The following CYTH4 variants were observed in gnomAD, a reference collection of about 807,000 sequenced individuals.
The protein encoded by CYTH4 is cytohesin-4.
In CYTH4, 22 loss-of-function variants were observed where a neutral mutation model predicts 57.5. That is an observed-to-expected ratio of 0.38 (90% CI 0.27 to 0.55). The LOEUF (loss-of-function observed/expected upper bound fraction) is 0.55. CYTH4 is among the 20% of genes least tolerant of loss of function. CYTH4 has a pLI of 0.74. For missense variants in CYTH4, 420 were observed against 535.6 expected (o/e 0.78, Z 2.13); for synonymous variants, 186 against 206.5 (o/e 0.90, Z 0.85).
intron 8 of CYTH4, among the ~76,000 whole-genome samples, chr22:37,305,077 G>A (rs546702304): frequency 6.6e-6 from 1 of 152,108 alleles, no homozygotes; most frequent in Non-Finnish European, 1.5e-5. Flanking sequence ...TGGGGTCCTC[G>A]TGGTGCTATG....
chr22:37,282,919 T>C (rs1412181584), intron 1 of CYTH4, among the ~76,000 whole-genome samples: 2 of 152,088 alleles, frequency 1.3e-5, no homozygotes. Context: ...CAGGAATGCA[T>C]GGTGGAAAAG....
intron 1 of CYTH4, among the ~76,000 whole-genome samples, chr22:37,291,549 A>C (rs55921644): frequency 0.038 from 5,717 of 152,270 alleles, 339 homozygotes; most frequent in African/African-American, 0.13. Flanking sequence ...CTGGGCAAAC[A>C]TGGGGAAGTG....
rs753735770 is a variant in CYTH4 at position 37,303,377 on chromosome 22, G to A, written c.671G>A (p.Ser224Asn). ...ATGAACCGCGGCATCAACAATGGTA[G>A]CGACCTGCCCGAGGACCAGCTGCGG... is the stretch of plus-strand genomic sequence containing the variant. Reference protein sequence around the residue: ...VSMNRGINNGSDLPEDQLRNL... With the variant: ...VSMNRGINNGNDLPEDQLRNL... Residue 224 changes from serine to asparagine, a missense_variant, in exon 8 of 13, where the codon AGC becomes AAC. Physicochemically the swap from Ser to Asn is conservative, Grantham distance 46. Coordinates refer to ENST00000248901, the MANE Select transcript of CYTH4 (RefSeq NM_013385.5). 1.1e-5 allele frequency: 17 copies of A among 1,613,862 alleles called. No homozygotes were observed. The Admixed American group carries it at 2.7e-4, about 25-fold the overall frequency.
At chr22:37,297,868 T>C (rs1929034375) in intron 5 of CYTH4, 186 bp downstream of exon 5, 1 of 527,016 alleles carries the variant, frequency 1.9e-6, no homozygotes, top group African/African-American at 1.9e-5. Flanking sequence ...CATTTAGTCA[T>C]TTATTCAACA....
intron 8 of CYTH4, among the ~76,000 whole-genome samples, chr22:37,307,884 C>A (rs55920292): frequency 6.6e-6 from 1 of 152,196 alleles, no homozygotes; most frequent in African/African-American, 2.4e-5. Flanking sequence ...GGTGATCTGG[C>A]ACCAGCAGCC....
chr22:37,289,733 G>A (rs1401034245), intron 1 of CYTH4, among the ~76,000 whole-genome samples: 1 of 152,198 alleles, frequency 6.6e-6, no homozygotes, highest in African/African-American at 2.4e-5. Flanking sequence ...GGAGCCATCT[G>A]AGCTACTTAG....
chr22:37,310,969 C>G lies in CYTH4; in HGVS notation c.809-19C>G, dbSNP rs1203499245. 1 of 1,613,714 alleles carries G rather than the reference C, an allele frequency of 6.2e-7. No individual in the cohort carries two copies. Among genetic ancestry groups the G allele is most frequent in the Non-Finnish European group, 8.5e-7 (1 of 1,179,710 alleles). On this transcript the variant is annotated intron_variant, in intron 9 of 12. Transcript: ENST00000248901. ...CCCAGGAGGAGGACTGACCAGCTTG[C>G]TACATTGGCCTTGCGCAGGGGGCCG...
At chr22:37,288,153 G>A (rs1331602227) in intron 1 of CYTH4, among the ~76,000 whole-genome samples, 6 of 152,064 alleles carry the variant, frequency 3.9e-5, no homozygotes, top group Admixed American at 3.3e-4. Context: ...GGTGGCTCAC[G>A]CCTGTAATCT....
intron 12 of CYTH4, 79 bp from the exon 13 acceptor site, chr22:37,313,360 C>A: frequency 7.1e-7 from 1 of 1,398,724 alleles, no homozygotes; most frequent in Non-Finnish European, 1.0e-6. Context: ...GAATCCCATG[C>A]CCCTGATACA....
chr22:37,307,871 A>G (rs753202799), intron 8 of CYTH4, among the ~76,000 whole-genome samples: 5 of 152,258 alleles, frequency 3.3e-5, no homozygotes, highest in Non-Finnish European at 7.3e-5. Flanking sequence ...CAAAGCACAC[A>G]GGGGTGATCT....
intron 1 of CYTH4, among the ~76,000 whole-genome samples, chr22:37,286,621 T>G (rs906954067): frequency 6.6e-6 from 1 of 150,598 alleles, no homozygotes; most frequent in African/African-American, 2.4e-5. Flanking sequence ...AAGTAGGAGA[T>G]AAGGAGGGGC....
Position 37,297,818 on chromosome 22 carries a change from T to C in CYTH4, c.353+136T>C. ...TAGTGCTTGAGGGGCTCACGGATCA[T>C]CCCCTCCAGATTCTGAGTCAAAGCC... is the stretch of plus-strand genomic sequence containing the variant. On this transcript the variant is annotated intron_variant, in intron 5 of 12. Coordinates refer to ENST00000248901, the MANE Select transcript of CYTH4 (RefSeq NM_013385.5). The C allele has an allele frequency of 1.9e-5, 13 of 686,220 alleles. No individual in the cohort carries two copies. The South Asian group carries it at 2.2e-4, about 12-fold the overall frequency. 42.5% of individuals were successfully genotyped at this position (686,220 alleles called of 1,614,324 possible).
chr22:37,285,923 C>A (rs145871974), intron 1 of CYTH4, among the ~76,000 whole-genome samples: 5 of 152,108 alleles, frequency 3.3e-5, no homozygotes, highest in Non-Finnish European at 7.3e-5. Context: ...CGGGACAGGA[C>A]CCCCGTCAGA....
chr22:37,297,185 C>T lies in CYTH4; in HGVS notation c.235-379C>T, dbSNP rs899172614. On this transcript the variant is annotated intron_variant, in intron 4 of 12. Transcript: ENST00000248901. The stretch of plus-strand genomic sequence containing the variant: ...AGATTACTTGTGTGAAAGAATGAAA[C>T]GCTATTTTTAAATAATATGAGTTTT... Among the ~76,000 whole-genome samples the T allele has an allele frequency of 5.9e-5, 9 of 152,038 alleles. No individual in the cohort carries two copies. The South Asian group carries it at 6.2e-4, about 10-fold the overall frequency.
intron 1 of CYTH4, among the ~76,000 whole-genome samples, chr22:37,289,234 TCTTC>T (rs1482995065): frequency 6.6e-6 from 1 of 152,240 alleles, no homozygotes; most frequent in Non-Finnish European, 1.5e-5. Context: ...GATCTTCCCA[TCTTC>T]CTTCTTTCTT....
chr22:37,288,750 G>A (rs774112264), intron 1 of CYTH4, among the ~76,000 whole-genome samples: 31 of 152,290 alleles, frequency 2.0e-4, no homozygotes, highest in African/African-American at 6.3e-4. Context: ...GGAGGATGGC[G>A]CCCCATCCAA....
chr22:37,307,437 GGAAT>G (rs1171611225), intron 8 of CYTH4, among the ~76,000 whole-genome samples: 1 of 152,100 alleles, frequency 6.6e-6, no homozygotes, highest in African/African-American at 2.4e-5. Flanking sequence ...GTGCCACCTG[GGAAT>G]TCCCGGGGAT....
rs1929660601 is a variant in CYTH4 at position 37,312,026 on chromosome 22, C to T, written c.964C>T (p.Leu322=). ...CCTGGCCACCTCCCCACAGTTCTGC[C>T]TGGAGCTCTACAACCCTAGCTGCCG... is the stretch of plus-strand genomic sequence containing the variant. The part of the protein sequence containing the change: ...KVDDPKKPFC[L]ELYNPSCRGQ... Residue 322 remains leucine (L), a synonymous_variant, in exon 12 of 13, where the codon CTG becomes TTG. Transcript: ENST00000248901. 5 of 1,613,756 alleles carry T rather than the reference C, an allele frequency of 3.1e-6. No individual in the cohort carries two copies. In the East Asian group the frequency reaches 1.1e-4, roughly 36 times the overall value.
intron 8 of CYTH4, chr22:37,304,407 AAG>A (rs768037308): frequency 3.9e-5 from 15 of 379,864 alleles, no homozygotes; most frequent in Non-Finnish European, 7.9e-5. Flanking sequence ...GGGTATTCAT[AAG>A]AACAGGAAGG....
Sources: gnomAD v4.1 joint callset for allele counts (sites outside exome capture counted in the v4.1 genomes callset) on GRCh38, gnomAD v4.1.1 for gene constraint, MANE v1.5 for transcripts, NCBI Gene and HGNC (gene_info 2026-07-23, HGNC 2026-07-21) for gene names.